Variants in ZFHX2 observed in about 807,000 individuals in gnomAD.
The protein encoded by ZFHX2 is zinc finger homeobox 2, also known as zinc finger homeobox protein 2.
ZFHX2 carries 75 observed loss-of-function variants against 164.8 expected under a neutral mutation model. The observed-to-expected ratio is 0.46, with a 90% CI of 0.38 to 0.55. ZFHX2 has a LOEUF of 0.55. ZFHX2 is among the 20% of genes least tolerant of loss of function. ZFHX2 has a pLI of 0.00. For missense variants in ZFHX2, 2,933 were observed against 3,308.0 expected (o/e 0.89, Z 2.78); for synonymous variants, 1,217 against 1,351.4 (o/e 0.90, Z 2.18).
chr14:23,531,989 T>C, intron 3 of ZFHX2: 1 of 269,472 alleles, frequency 3.7e-6, no homozygotes, highest in East Asian at 7.7e-5. Context: ...TTGGCCAGGC[T>C]GGTCTCGAAC....
intron 1 of ZFHX2, among the ~76,000 whole-genome samples, chr14:23,538,593 G>A (rs773501579): frequency 6.6e-6 from 1 of 151,850 alleles, no homozygotes; most frequent in Admixed American, 6.6e-5. Flanking sequence ...CAGACCCATC[G>A]CCATTCTTCC....
At chr14:23,531,812 C>T in intron 3 of ZFHX2, 91 bp from the exon 4 acceptor site, 1 of 1,258,768 alleles carries the variant, frequency 7.9e-7, no homozygotes, top group South Asian at 3.3e-5. Context: ...GAGTCTTGCC[C>T]TGTTGCCCAG....
In ZFHX2 at chr14:23,533,163, G is replaced by A; in HGVS notation, c.2042-79C>T. 1 of 1,450,426 alleles carries A rather than the reference G, an allele frequency of 6.9e-7. No homozygotes were observed. Among genetic ancestry groups the A allele is most frequent in the Admixed American group, 2.6e-5 (1 of 38,924 alleles). 89.8% of individuals were successfully genotyped at this position (1,450,426 alleles called of 1,614,324 possible). Reference sequence around the variant, plus strand: ...TCTCTATGTGGGGAGGTGGGTTAATGAGTAGGATAGTGCTCAGAGGGACTT... The same window carrying A: ...TCTCTATGTGGGGAGGTGGGTTAATAAGTAGGATAGTGCTCAGAGGGACTT... On this transcript the variant is annotated intron_variant, in intron 2 of 9. Transcript: ENST00000419474. The surrounding 1 kb of genome is among the most constrained non-coding windows in gnomAD (Gnocchi z 4.8).
intron 6 of ZFHX2, 142 bp from the exon 7 acceptor site, chr14:23,527,946 AC>A: frequency 1.3e-6 from 1 of 752,794 alleles, no homozygotes; most frequent in Non-Finnish European, 2.0e-6. Context: ...TGGCTCTGTC[AC>A]CCAGGCCGGA....
intron 1 of ZFHX2, among the ~76,000 whole-genome samples, chr14:23,547,684 G>A (rs1881532271): frequency 2.0e-5 from 3 of 152,092 alleles, no homozygotes; most frequent in Admixed American, 6.6e-5. Flanking sequence ...CATTCCCTCC[G>A]GTTTCTGATT....
rs1311390599 is a variant in ZFHX2 at position 23,522,031 on chromosome 14, C to T, written c.7650G>A (p.Glu2550=). ...AASAAVAFAK[E]EARLPHTDSN... ...AGTCCGTGTGAGGTAATCTTGCTTC[C>T]TCTTTGGCAAAAGCCACAGCAGCCG... Residue 2550 remains glutamate, a synonymous_variant, in exon 10 of 10, where the codon GAG becomes GAA. Coordinates refer to ENST00000419474, the MANE Select transcript of ZFHX2 (RefSeq NM_033400.3). The T allele has an allele frequency of 2.0e-6, 3 of 1,536,424 alleles. No individual in the cohort carries two copies. Among genetic ancestry groups the T allele is most frequent in the East Asian group, 4.9e-5 (2 of 40,918 alleles).
At chr14:23,542,765 G>T (rs534465963) in intron 1 of ZFHX2, among the ~76,000 whole-genome samples, 1 of 151,712 alleles carries the variant, frequency 6.6e-6, no homozygotes, top group East Asian at 1.9e-4. Flanking sequence ...TTTGGAGATG[G>T]TGTCTCTGTT....
chr14:23,534,037 G>C lies in ZFHX2; in HGVS notation c.1289C>G (p.Ala430Gly). The C allele has an allele frequency of 6.5e-7, 1 of 1,536,006 alleles. No homozygotes were observed. The change falls in exon 2 of 10, where the codon GCA becomes GGA. Residue 430 changes from alanine to glycine, a missense_variant. Physicochemically the swap from Ala to Gly is moderately conservative, Grantham distance 60. Transcript: ENST00000419474. The surrounding 1 kb of genome is among the most constrained non-coding windows in gnomAD (Gnocchi z 4.5). ...GGACAGGCTGAGGCCCTGGAAGGCT[G>C]CAGGGGCTGGGGTGTAGTCATCAGC... is the stretch of plus-strand genomic sequence containing the variant. ...RLADDYTPAPAAFQGLSLSSH... is the reference protein window; with the variant it reads ...RLADDYTPAPGAFQGLSLSSH...
chr14:23,551,966 C>T (rs1881998687), upstream of ZFHX2, among the ~76,000 whole-genome samples: 1 of 152,234 alleles, frequency 6.6e-6, no homozygotes, highest in Admixed American at 6.5e-5. This position sits in a 1 kb window ranked among gnomAD's most constrained non-coding sequence, Gnocchi z 5.3. Flanking sequence ...CCTTTAAACT[C>T]TTTTCCGTCT....
chr14:23,529,744 G>T lies in ZFHX2; in HGVS notation c.2900C>A (p.Thr967Asn). The T allele has an allele frequency of 6.5e-7, 1 of 1,536,286 alleles. No homozygotes were observed. The highest frequency in any genetic ancestry group is 8.7e-7 in the Non-Finnish European group (1 of 1,146,926). ...GTTGGCACTGTCTCTGGAAGGGCCA[G>T]TCTTGTTTTCTGTCTCTTCTGAAGC... ...QLASEETENKTGPSRDSANQT... is the reference protein window; with the variant it reads ...QLASEETENKNGPSRDSANQT... The change falls in exon 6 of 10, where the codon ACT (threonine) becomes AAT (asparagine). Residue 967 changes from threonine to asparagine, a missense_variant. Thr to Asn is a moderately conservative substitution (Grantham distance 65). Transcript: ENST00000419474.
chr14:23,540,519 G>A (rs1047769263), intron 1 of ZFHX2, among the ~76,000 whole-genome samples: 1 of 152,190 alleles, frequency 6.6e-6, no homozygotes, highest in Non-Finnish European at 1.5e-5. Context: ...AGGATGAGAT[G>A]TGTGTACCCC....
chr14:23,524,639 G>A lies in ZFHX2; in HGVS notation c.5303C>T (p.Ala1768Val). The A allele has an allele frequency of 2.6e-6, 4 of 1,536,424 alleles. No homozygotes were observed. The highest frequency in any genetic ancestry group is 1.7e-4 in the Middle Eastern group (1 of 5,990). ...EEKATPSPSP[A>V]HTCDQCAISF... is the part of the protein sequence containing the mutation. Reference sequence around the variant, plus strand: ...AATGGCACACTGGTCACAGGTATGGGCTGGGGAAGGTGATGGAGTAGCCTT... The same window carrying A: ...AATGGCACACTGGTCACAGGTATGGACTGGGGAAGGTGATGGAGTAGCCTT... The change falls in exon 9 of 10, where the codon GCC becomes GTC. Residue 1768 changes from alanine to valine, a missense_variant. Coordinates refer to ENST00000419474, the MANE Select transcript of ZFHX2 (RefSeq NM_033400.3). This position sits in a 1 kb window ranked among gnomAD's most constrained non-coding sequence, Gnocchi z 5.6.
rs1248118903 is a variant in ZFHX2, at chr14:23,524,208, C to T, written c.5734G>A (p.Glu1912Lys). 6.5e-7 allele frequency: 1 copy of T among 1,536,402 alleles called. No individual in the cohort carries two copies. Among genetic ancestry groups the T allele is most frequent in the African/African-American group, 1.4e-5 (1 of 73,040 alleles). ...GTGCTTCGAAACTGGCCTTTCCTCTCCCGGGCCCTGGTATTCTGGAACCAG... is the reference window on the plus strand; with the variant it reads ...GTGCTTCGAAACTGGCCTTTCCTCTTCCGGGCCCTGGTATTCTGGAACCAG... The part of the protein sequence containing the change: ...QVWFQNTRAR[E>K]RKGQFRSTPG... The change falls in exon 9 of 10, where the codon GAG (glutamate) becomes AAG (lysine). Residue 1912 changes from glutamate to lysine, a missense_variant. Physicochemically the swap from Glu to Lys is moderately conservative, Grantham distance 56. Coordinates refer to ENST00000419474, the MANE Select transcript of ZFHX2 (RefSeq NM_033400.3). The surrounding 1 kb of genome is among the most constrained non-coding windows in gnomAD (Gnocchi z 5.6).
In ZFHX2 at chr14:23,534,890, C is replaced by T. The variant is rs61741593; in HGVS notation, c.436G>A (p.Glu146Lys). 1.7e-4 allele frequency: 263 copies of T among 1,536,140 alleles called. 2 individuals are homozygous for T. The African/African-American group carries it at 3.2e-3, about 19-fold the overall frequency. Residue 146 changes from glutamate (E) to lysine (K), a missense_variant, in exon 2 of 10, where the codon GAG (glutamate) becomes AAG (lysine). By Grantham distance (56) the Glu-to-Lys change is moderately conservative. Transcript: ENST00000419474. This position sits in a 1 kb window ranked among gnomAD's most constrained non-coding sequence, Gnocchi z 4.5. ...CTGGGCTCTTCCTTGATGCCCGCCT[C>T]ACCCCAGGGGAAGCCCTTTGGTAAC... ...LLLPKGFPWGEAGIKEEPSLP... is the reference protein window; with the variant it reads ...LLLPKGFPWGKAGIKEEPSLP...
rs1321340057 is a variant in ZFHX2, at chr14:23,551,005, G to T, written c.-50+338C>A. Among the ~76,000 whole-genome samples, 2 of 151,984 alleles carry T rather than the reference G, an allele frequency of 1.3e-5. No homozygotes were observed. The highest frequency in any genetic ancestry group is 3.9e-4 in the East Asian group (2 of 5,138). ...CCCGCTCCCTGCCCAACTCGGCGCG[G>T]TCCGTCTAGGCTTTCCATACCCTTC... is the stretch of plus-strand genomic sequence containing the variant. On this transcript the variant is annotated intron_variant, in intron 1 of 9. Coordinates refer to ENST00000419474, the MANE Select transcript of ZFHX2 (RefSeq NM_033400.3). This position sits in a 1 kb window ranked among gnomAD's most constrained non-coding sequence, Gnocchi z 5.3.
At position 23,521,694 on chromosome 14, in the gene ZFHX2, G is replaced by C. The variant is rs191825140; in HGVS notation, c.*268C>G. 2.1e-6 allele frequency: 1 copy of C among 466,952 alleles called. No homozygotes were observed. Among genetic ancestry groups the C allele is most frequent in the South Asian group, 3.4e-5 (1 of 29,818 alleles). The allele number at this position is 466,952 out of a possible 1,614,324, so 28.9% of individuals were successfully genotyped here. A position where few individuals can be genotyped will look rare whatever the true frequency, so the allele number is the denominator to read the frequency against. ...TATGAATAATCAGGGTGCCAAGATGGGTGTATGTGTCTGTGAAGATGGGCA... is the reference window on the plus strand; with the variant it reads ...TATGAATAATCAGGGTGCCAAGATGCGTGTATGTGTCTGTGAAGATGGGCA... On this transcript the variant is annotated 3_prime_UTR_variant, in exon 10 of 10. Coordinates refer to ENST00000419474, the MANE Select transcript of ZFHX2 (RefSeq NM_033400.3).
In ZFHX2 at chr14:23,534,188, C is replaced by T. The variant is rs1879905759; in HGVS notation, c.1138G>A (p.Glu380Lys). 1 of 1,479,166 alleles carries T rather than the reference C, an allele frequency of 6.8e-7. No homozygotes were observed. The highest frequency in any genetic ancestry group is 8.9e-7 in the Non-Finnish European group (1 of 1,118,632). The allele number at this position is 1,479,166 out of a possible 1,614,324, so 91.6% of individuals were successfully genotyped here. A position where few individuals can be genotyped will look rare whatever the true frequency, so the allele number is the denominator to read the frequency against. Reference protein sequence around the residue: ...AGPDWFPEGQEEDGGLCPPLN... With the variant: ...AGPDWFPEGQKEDGGLCPPLN... ...GGGGGGCAGAGCCCTCCATCCTCTTCTTGCCCCTCAGGGAACCAATCTGGC... is the reference window on the plus strand; with the variant it reads ...GGGGGGCAGAGCCCTCCATCCTCTTTTTGCCCCTCAGGGAACCAATCTGGC... Residue 380 changes from glutamate to lysine, a missense_variant, in exon 2 of 10, where the codon GAA becomes AAA. By Grantham distance (56) the Glu-to-Lys change is moderately conservative. Transcript: ENST00000419474. This position sits in a 1 kb window ranked among gnomAD's most constrained non-coding sequence, Gnocchi z 4.5.
Position 23,551,160 on chromosome 14 carries a change from T to C in ZFHX2, c.-50+183A>G, listed in dbSNP as rs111842708. Among the ~76,000 whole-genome samples, 1,424 of 151,786 alleles carry C rather than the reference T, an allele frequency of 9.4e-3. 27 individuals carry two copies. Among genetic ancestry groups the C allele is most frequent in the African/African-American group, 0.033 (1,361 of 41,372 alleles). On this transcript the variant is annotated intron_variant, in intron 1 of 9. Coordinates refer to ENST00000419474, the MANE Select transcript of ZFHX2 (RefSeq NM_033400.3). This position sits in a 1 kb window ranked among gnomAD's most constrained non-coding sequence, Gnocchi z 5.3. Reference sequence around the variant, plus strand: ...CTGCTATCTCCCAGGGCTCTCGGTCTGTCTGTCCGTCCGTCCTTGTCCCCT... The same window carrying C: ...CTGCTATCTCCCAGGGCTCTCGGTCCGTCTGTCCGTCCGTCCTTGTCCCCT...
chr14:23,537,095 G>A (rs1457868270), intron 1 of ZFHX2, among the ~76,000 whole-genome samples: 1 of 149,258 alleles, frequency 6.7e-6, no homozygotes, highest in African/African-American at 2.4e-5. Flanking sequence ...AGCCGGGACT[G>A]CACCATCGGG....
Sources: gnomAD v4.1 joint callset for allele counts (sites outside exome capture counted in the v4.1 genomes callset) on GRCh38, gnomAD v4.1.1 for gene constraint, Gnocchi (gnomAD v3.1) non-coding constraint, MANE v1.5 for transcripts, NCBI Gene and HGNC (gene_info 2026-07-23, HGNC 2026-07-21) for gene names.